BRD1: variants seen among roughly 807,000 people sequenced by gnomAD.
The protein encoded by BRD1 is bromodomain-containing protein 1.
BRD1 carries 24 observed loss-of-function variants against 107.7 expected under a neutral mutation model. The ratio of observed to expected loss-of-function variants is 0.22; its 90% CI spans 0.16 to 0.31. The LOEUF is 0.31. Among genes scored for constraint, BRD1 ranks in the 10% least tolerant of loss-of-function variants. The pLI is 1.00. For missense variants in BRD1, 1,279 were observed against 1,638.6 expected, an observed-to-expected ratio of 0.78 and a Z score of 3.79; for synonymous variants, 744 against 686.1, an observed-to-expected ratio of 1.08 and a Z score of -1.32.
Position 49,825,236 on chromosome 22 carries a change from G to A in BRD1, c.-14-905C>T, listed in dbSNP as rs895888634. On this transcript the variant is annotated intron_variant, in intron 1 of 12. Coordinates refer to ENST00000404760, the MANE Select transcript of BRD1 (RefSeq NM_001304808.3). ...GCCAAAGGGAATCTCTGTTCTCCCC[G>A]GCACACGTGAAGGCAGACGCTCCAC... 1.8e-4 allele frequency among the ~76,000 whole-genome samples: 27 copies of A among 152,212 alleles called. 1 individual carries two copies. Among genetic ancestry groups the A allele is most frequent in the South Asian group, 1.7e-3 (8 of 4,822 alleles).
At chr22:49,794,007 A>T (rs761351119) in intron 7 of BRD1, 27 bp downstream of exon 7, 1 of 1,595,538 alleles carries the variant, frequency 6.3e-7, no homozygotes, top group Admixed American at 1.7e-5. Context: ...ACGGCAAGAA[A>T]GCGGGGCAGC....
At chr22:49,826,880 T>TC (rs1157015813) in intron 1 of BRD1, among the ~76,000 whole-genome samples, 2 of 152,140 alleles carry the variant, frequency 1.3e-5, no homozygotes, top group East Asian at 1.9e-4. Context: ...GAGCCGCGTT[T>TC]CCCGTGAACT....
intron 2 of BRD1, among the ~76,000 whole-genome samples, chr22:49,810,359 T>C (rs1023206811): frequency 1.3e-5 from 2 of 152,022 alleles, no homozygotes; most frequent in African/African-American, 2.4e-5. Context: ...GCTCTTAAAA[T>C]ATATATATAT....
chr22:49,784,300 G>A (rs369389027), intron 8 of BRD1, among the ~76,000 whole-genome samples: 1 of 150,596 alleles, frequency 6.6e-6, no homozygotes, highest in East Asian at 2.0e-4. Context: ...CAACGGCGGC[G>A]AGTAGACAAA....
chr22:49,825,980 T>A (rs1265084884), intron 1 of BRD1: 1 of 160,056 alleles, frequency 6.2e-6, no homozygotes, highest in Non-Finnish European at 1.3e-5. Context: ...GGCCTCCAGG[T>A]ACCCACTCAA....
chr22:49,826,341 G>A (rs2060148694), intron 1 of BRD1: 1 of 849,142 alleles, frequency 1.2e-6, no homozygotes. Context: ...ACATGCAACT[G>A]GGACCCGGGG....
chr22:49,776,210 C>T (rs369554868), intron 10 of BRD1, 51 bp from the exon 11 acceptor site: 69 of 1,476,826 alleles, frequency 4.7e-5, no homozygotes, highest in Admixed American at 7.1e-5. Context: ...ACACGGGGCA[C>T]GCCCCGCCCC....
At chr22:49,785,992 C>T (rs763236) in intron 8 of BRD1, among the ~76,000 whole-genome samples, 16,271 of 152,194 alleles carry the variant, frequency 0.11, 2,477 homozygotes, top group African/African-American at 0.34. Context: ...CACAGCCTTC[C>T]ATCTGCACCC....
chr22:49,777,462 C>T (rs373376867), intron 9 of BRD1, among the ~76,000 whole-genome samples: 165 of 152,316 alleles, frequency 1.1e-3, no homozygotes, highest in Non-Finnish European at 1.7e-3. Flanking sequence ...TCCTATTTCA[C>T]GCAGTGTTTT....
In BRD1 at chr22:49,794,110, C is replaced by T; in HGVS notation, c.2283G>A (p.Gln761=). The change falls in exon 7 of 13, where the codon CAG becomes CAA. Residue 761 remains glutamine (Q), a synonymous_variant. Transcript: ENST00000404760. ...CCAAGCCTGGCCCCGTGGGCAGGGG[C>T]TGGCTGTGCTGCTGGCTCAGCTTGT... ...LRNKLSQQHS[Q]PLPTGPGLEG... is the part of the protein sequence containing the mutation. 6.2e-7 allele frequency: 1 copy of T among 1,614,258 alleles called. No homozygotes were observed. The highest frequency in any genetic ancestry group is 8.5e-7 in the Non-Finnish European group (1 of 1,180,058).
At position 49,792,593 on chromosome 22, in the gene BRD1, G is replaced by C. The variant is rs2059455792; in HGVS notation, c.2359+1441C>G. 6.6e-6 allele frequency among the ~76,000 whole-genome samples: 1 copy of C among 152,224 alleles called. No homozygotes were observed. The highest frequency in any genetic ancestry group is 2.4e-5 in the African/African-American group (1 of 41,460). ...GAAGAGAAAACCAAGCGCTCACCTT[G>C]AAATAGAAAAGCCTTTATTCTATGG... On this transcript the variant is annotated intron_variant, in intron 7 of 12. Coordinates refer to ENST00000404760, the MANE Select transcript of BRD1 (RefSeq NM_001304808.3). The surrounding 1 kb of genome is among the most constrained non-coding windows in gnomAD (Gnocchi z 4.2).
Position 49,798,542 on chromosome 22 carries a change from C to A in BRD1, c.1785+16G>T. 6.2e-7 allele frequency: 1 copy of A among 1,614,082 alleles called. No homozygotes were observed. The highest frequency in any genetic ancestry group is 8.5e-7 in the Non-Finnish European group (1 of 1,180,014). ...TCACACATGCGGCAGGACAGACGAG[C>A]GCCGCAAACACCCACCTCCTTCAGA... On this transcript the variant is annotated intron_variant, in intron 5 of 12. Transcript: ENST00000404760.
chr22:49,790,158 G>A (rs959717354), intron 7 of BRD1, among the ~76,000 whole-genome samples: 16 of 152,130 alleles, frequency 1.1e-4, no homozygotes, highest in South Asian at 4.2e-4. Flanking sequence ...CTGCCCAGCC[G>A]GGACCACACA....
Position 49,776,149 on chromosome 22 carries a change from C to G in BRD1, c.3132G>C (p.Gln1044His). Residue 1044 changes from glutamine (Q) to histidine (H), a missense_variant, in exon 11 of 13, where the codon CAG becomes CAC. Transcript: ENST00000404760. ...KAARIAAEVGQSSMWISTDAA... is the reference protein window; with the variant it reads ...KAARIAAEVGHSSMWISTDAA... ...CATCAGTGGAGATCCACATGCTGCT[C>G]TGGCCGACTTCTGCGGAGAGGGGCG... is the stretch of plus-strand genomic sequence containing the variant. 6.2e-7 allele frequency: 1 copy of G among 1,605,088 alleles called. No homozygotes were observed. Among genetic ancestry groups the G allele is most frequent in the African/African-American group, 1.3e-5 (1 of 75,016 alleles).
chr22:49,800,331 G>T (rs1266754168), intron 3 of BRD1, among the ~76,000 whole-genome samples: 1 of 152,190 alleles, frequency 6.6e-6, no homozygotes. Context: ...CTGAAGTGAG[G>T]ATCTCTGGGT....
intron 8 of BRD1, among the ~76,000 whole-genome samples, chr22:49,782,854 C>T (rs1247037940): frequency 4.5e-4 from 64 of 142,918 alleles, no homozygotes; most frequent in Admixed American, 7.0e-4. Context: ...GTGCTGGGAC[C>T]CGCTCCGCGA....
At position 49,773,469 on chromosome 22, in the gene BRD1, T is replaced by G. The variant is rs1275586118; in HGVS notation, c.*764A>C. The stretch of plus-strand genomic sequence containing the variant: ...CAAAGTGTTCTAAATTAAAACAAGT[T>G]ACAGAAAGCCCCTCATTGTAAACAA... On this transcript the variant is annotated 3_prime_UTR_variant, in exon 13 of 13. Coordinates refer to ENST00000404760, the MANE Select transcript of BRD1 (RefSeq NM_001304808.3). 6.6e-6 allele frequency: 1 copy of G among 152,582 alleles called. No individual in the cohort carries two copies. Among genetic ancestry groups the G allele is most frequent in the Non-Finnish European group, 1.5e-5 (1 of 68,034 alleles). 9.5% of individuals were successfully genotyped at this position (152,582 alleles called of 1,614,324 possible). A position where few individuals can be genotyped will look rare whatever the true frequency, so the allele number is the denominator to read the frequency against.
intron 8 of BRD1, 121 bp downstream of exon 8, chr22:49,787,269 A>T: frequency 7.9e-7 from 1 of 1,271,452 alleles, no homozygotes; most frequent in Non-Finnish European, 1.1e-6. Flanking sequence ...TCTGGAAATT[A>T]AGAGAATGCT....
rs372483338 is a variant in BRD1 at position 49,792,327 on chromosome 22, A to G, written c.2359+1707T>C. 7.2e-5 allele frequency among the ~76,000 whole-genome samples: 11 copies of G among 152,248 alleles called. No homozygotes were observed. The South Asian group carries it at 2.3e-3, about 31-fold the overall frequency. On this transcript the variant is annotated intron_variant, in intron 7 of 12. Coordinates refer to ENST00000404760, the MANE Select transcript of BRD1 (RefSeq NM_001304808.3). This position sits in a 1 kb window ranked among gnomAD's most constrained non-coding sequence, Gnocchi z 4.2. ...CTCAGTCCTCAGGGCACAGAAGACA[A>G]GGACAGAAGGGCAGTCCACCTAGAG...
Sources: allele counts gnomAD v4.1 joint callset (sites outside exome capture counted in the v4.1 genomes callset), GRCh38; gene constraint gnomAD v4.1.1; non-coding constraint Gnocchi (gnomAD v3.1); transcripts MANE v1.5; gene names NCBI Gene and HGNC (gene_info 2026-07-23, HGNC 2026-07-21).